Variants in CDKAL1 observed in about 807,000 individuals in gnomAD.
CDKAL1 encodes threonylcarbamoyladenosine tRNA methylthiotransferase.
Under a neutral mutation model 68.2 loss-of-function variants are expected in CDKAL1, and 32 were observed. The ratio of observed to expected loss-of-function variants is 0.47; its 90% CI spans 0.35 to 0.63. The LOEUF (loss-of-function observed/expected upper bound fraction) is 0.63, where lower values mean the gene tolerates loss of function less well. Ranked by LOEUF, CDKAL1 falls within the 30% of genes least tolerant of loss-of-function variation. The pLI is 0.00. For missense variants in CDKAL1, 606 were observed against 696.7 expected, an observed-to-expected ratio of 0.87 and a Z score of 1.47; for synonymous variants, 234 against 244.3, an observed-to-expected ratio of 0.96 and a Z score of 0.39.
intron 9 of CDKAL1, among the ~76,000 whole-genome samples, chr6:20,930,528 C>T (rs1581851969): frequency 6.6e-6 from 1 of 152,092 alleles, no homozygotes; most frequent in Non-Finnish European, 1.5e-5. Flanking sequence ...AATGTCATTT[C>T]GTATTTCCAA....
chr6:21,095,327 TTTGCTCA>T (rs1773262808), intron 12 of CDKAL1, among the ~76,000 whole-genome samples: 1 of 152,198 alleles, frequency 6.6e-6, no homozygotes, highest in Non-Finnish European at 1.5e-5. Context: ...TTTCTGCCTG[TTTGCTCA>T]TTACTTAAAA....
At chr6:20,720,464 C>T (rs537501026) in intron 5 of CDKAL1, among the ~76,000 whole-genome samples, 3 of 152,190 alleles carry the variant, frequency 2.0e-5, no homozygotes, top group Non-Finnish European at 2.9e-5. Context: ...TTTAAGCCAC[C>T]TTTCTTCATC....
chr6:21,116,691 G>T (rs896827120), intron 13 of CDKAL1, among the ~76,000 whole-genome samples: 4 of 152,072 alleles, frequency 2.6e-5, no homozygotes, highest in African/African-American at 9.7e-5. Flanking sequence ...CCCCATCCAA[G>T]AACTCCCAGG....
chr6:20,728,405 G>A (rs1442483994), intron 5 of CDKAL1, among the ~76,000 whole-genome samples: 1 of 152,154 alleles, frequency 6.6e-6, no homozygotes, highest in Admixed American at 6.5e-5. Context: ...TAGAAATGGT[G>A]ATGGTAGATT....
intron 5 of CDKAL1, among the ~76,000 whole-genome samples, chr6:20,680,401 G>T (rs1229896721): frequency 2.0e-5 from 3 of 152,102 alleles, no homozygotes; most frequent in South Asian, 2.1e-4. Flanking sequence ...TTTTTATTTA[G>T]AATTTTATGT....
chr6:20,779,774 G>A (rs140201699), intron 7 of CDKAL1, among the ~76,000 whole-genome samples: 3 of 152,214 alleles, frequency 2.0e-5, no homozygotes, highest in African/African-American at 4.8e-5. Context: ...TAGTAGAGAT[G>A]AGGTTTCACC....
intron 13 of CDKAL1, among the ~76,000 whole-genome samples, chr6:21,176,148 T>C (rs763387066): frequency 2.6e-5 from 4 of 152,248 alleles, no homozygotes; most frequent in African/African-American, 4.8e-5. Flanking sequence ...TAAAATGGAA[T>C]GGAGATTTCT....
chr6:20,658,663 C>T (rs1769141472), intron 5 of CDKAL1, among the ~76,000 whole-genome samples: 1 of 151,730 alleles, frequency 6.6e-6, no homozygotes, highest in Non-Finnish European at 1.5e-5. Context: ...AAGTAAATTG[C>T]TTTCAAAAAA....
intron 4 of CDKAL1, 87 bp from the exon 5 acceptor site, chr6:20,649,206 C>T (rs1768629352): frequency 1.2e-6 from 1 of 836,934 alleles, no homozygotes; most frequent in Non-Finnish European, 2.0e-6. Context: ...TTTTCTCTCC[C>T]CTACCGCAGC....
intron 4 of CDKAL1, among the ~76,000 whole-genome samples, chr6:20,567,164 G>A (rs568952413): frequency 1.1e-4 from 17 of 150,998 alleles, no homozygotes; most frequent in African/African-American, 2.7e-4. Context: ...ATTGGTATAC[G>A]TGGCATAATT....
chr6:20,543,801 A>G (rs554198129), intron 2 of CDKAL1, among the ~76,000 whole-genome samples: 1 of 146,428 alleles, frequency 6.8e-6, no homozygotes, highest in Non-Finnish European at 1.5e-5. Flanking sequence ...CAGTGGTACA[A>G]TCTTGGCTTA....
chr6:21,022,000 A>C (rs1379093599), intron 11 of CDKAL1, among the ~76,000 whole-genome samples: 8 of 152,208 alleles, frequency 5.3e-5, no homozygotes, highest in Admixed American at 5.2e-4. Flanking sequence ...GTCTTAAAGC[A>C]AAAGAAGAAA....
intron 9 of CDKAL1, among the ~76,000 whole-genome samples, chr6:20,923,876 G>C (rs1259403412): frequency 6.6e-6 from 1 of 152,210 alleles, no homozygotes; most frequent in Non-Finnish European, 1.5e-5. Flanking sequence ...TCCAGGTGTG[G>C]TGGTGCGTAC....
intron 8 of CDKAL1, among the ~76,000 whole-genome samples, chr6:20,799,544 A>T (rs1200878825): frequency 6.6e-6 from 1 of 152,186 alleles, no homozygotes; most frequent in Non-Finnish European, 1.5e-5. Context: ...TTATGTCGTG[A>T]TTTGACTTAT....
At chr6:20,728,782 G>T (rs1191572701) in intron 5 of CDKAL1, among the ~76,000 whole-genome samples, 1 of 152,018 alleles carries the variant, frequency 6.6e-6, no homozygotes, top group Non-Finnish European at 1.5e-5. Context: ...ACTTAGATTC[G>T]CTATATTCTC....
At chr6:20,915,241 G>C (rs900148284) in intron 9 of CDKAL1, among the ~76,000 whole-genome samples, 1 of 151,680 alleles carries the variant, frequency 6.6e-6, no homozygotes, top group Non-Finnish European at 1.5e-5. Flanking sequence ...CCCAGTCTTA[G>C]GAGATGTATC....
intron 9 of CDKAL1, among the ~76,000 whole-genome samples, chr6:20,864,577 A>G (rs1297379182): frequency 6.6e-6 from 1 of 152,308 alleles, no homozygotes; most frequent in East Asian, 1.9e-4. Flanking sequence ...TGAAACAAAT[A>G]TATTTTTCTC....
At chr6:21,027,031 G>T (rs892100724) in intron 11 of CDKAL1, among the ~76,000 whole-genome samples, 1 of 151,880 alleles carries the variant, frequency 6.6e-6, no homozygotes, top group Non-Finnish European at 1.5e-5. Context: ...CCCTTCTAGG[G>T]ATGCCTTTCA....
intron 7 of CDKAL1, 60 bp downstream of exon 7, chr6:20,758,703 A>T (rs896776724): frequency 2.7e-5 from 34 of 1,273,872 alleles, no homozygotes; most frequent in Non-Finnish European, 3.7e-5. Context: ...TAGTAGAAAC[A>T]CCACTCAGGT....
Sources: gnomAD v4.1 joint callset for allele counts (sites outside exome capture counted in the v4.1 genomes callset) on GRCh38, gnomAD v4.1.1 for gene constraint, MANE v1.5 for transcripts, NCBI Gene and HGNC (gene_info 2026-07-23, HGNC 2026-07-21) for gene names.